The following CPZ variants were observed in gnomAD, a reference collection of about 807,000 sequenced individuals.
CPZ encodes the protein VEZT/CPZ fusion.
In CPZ, 103 loss-of-function variants were observed where a neutral mutation model predicts 61.8. That is an observed-to-expected ratio of 1.67 (90% CI 1.42 to 1.96). The LOEUF (loss-of-function observed/expected upper bound fraction) is 1.96, where lower values mean the gene tolerates loss of function less well. Ranked by LOEUF, CPZ falls within the 30% of genes most tolerant of loss-of-function variation. The pLI, the probability that CPZ is intolerant of heterozygous loss-of-function variation, is 0.00. For missense variants in CPZ, 1,461 were observed against 914.9 expected (o/e 1.60, Z -7.70); for synonymous variants, 551 against 373.7 (o/e 1.47, Z -5.47).
rs529990367 is a variant in CPZ at position 8,613,900 on chromosome 4, G to A, written c.1364-459G>A. ...GGACATTGTCACCATGGGGTCTCCA[G>A]GCCAGCAGCTGGGATGCCAGGGGCC... On this transcript the variant is annotated intron_variant, in intron 8 of 10. Coordinates refer to ENST00000360986, the MANE Select transcript of CPZ (RefSeq NM_001014447.3). Among the ~76,000 whole-genome samples the A allele has an allele frequency of 1.8e-3, 271 of 152,372 alleles. 1 individual carries two copies. The highest frequency in any genetic ancestry group is 6.1e-3 in the African/African-American group (254 of 41,590).
intron 8 of CPZ, among the ~76,000 whole-genome samples, chr4:8,613,132 CCTT>C (rs1394480875): frequency 1.5e-5 from 2 of 134,668 alleles, no homozygotes; most frequent in South Asian, 2.4e-4. Flanking sequence ...CCTCTCTGTT[CCTT>C]TTTTTTTTTT....
At chr4:8,609,798 T>G (rs1560298820) in intron 7 of CPZ, among the ~76,000 whole-genome samples, 1 of 152,200 alleles carries the variant, frequency 6.6e-6, no homozygotes, top group Admixed American at 6.5e-5. Flanking sequence ...CATCGGGCAG[T>G]GATCATGCAG....
chr4:8,609,215 T>TTG (rs1553877677), intron 7 of CPZ, among the ~76,000 whole-genome samples: 53 of 39,606 alleles, frequency 1.3e-3, no homozygotes, highest in African/African-American at 3.4e-3. Context: ...CACTTACTCA[T>TTG]TCACTTACTC....
intron 3 of CPZ, chr4:8,602,677 T>G (rs183074818): frequency 1.3e-5 from 2 of 152,236 alleles, no homozygotes; most frequent in African/African-American, 2.4e-5. Flanking sequence ...AGGGATGGAT[T>G]TGGCCATTTG....
rs1350185858 is a variant in CPZ at position 8,601,562 on chromosome 4, C to A, written c.496+65C>A. 15 of 1,400,394 alleles carry A rather than the reference C, an allele frequency of 1.1e-5. No homozygotes were observed. The African/African-American group carries it at 2.0e-4, about 19-fold the overall frequency. 86.7% of individuals were successfully genotyped at this position (1,400,394 alleles called of 1,614,324 possible). ...CAGGTGGTCAAGGAGGACCAAGAGC[C>A]ACACTGGAAGGAACTTGAGGGCTTT... On this transcript the variant is annotated intron_variant, in intron 3 of 10. Transcript: ENST00000360986.
chr4:8,594,834 G>A (rs1040814067), intron 1 of CPZ, among the ~76,000 whole-genome samples: 3 of 150,406 alleles, frequency 2.0e-5, no homozygotes, highest in Non-Finnish European at 2.9e-5. Context: ...GTGCAGTTGC[G>A]CAATCTCAGC....
At position 8,606,787 on chromosome 4, in the gene CPZ, G is replaced by A; in HGVS notation, c.957G>A (p.Leu319=). Residue 319 remains leucine (L), a synonymous_variant, in exon 6 of 11, where the codon CTG becomes CTA. Transcript: ENST00000360986. The part of the protein sequence containing the change: ...WTSGRQNAQN[L]DLNRNFPDLT... ...GCGGGAGGCAGAACGCGCAGAACCT[G>A]GATCTGAACCGAAATTTCCCGGACC... 1 of 1,614,188 alleles carries A rather than the reference G, an allele frequency of 6.2e-7. No individual in the cohort carries two copies. The highest frequency in any genetic ancestry group is 1.6e-4 in the Middle Eastern group (1 of 6,062).
intron 3 of CPZ, chr4:8,602,609 G>A (rs759314706): frequency 2.0e-5 from 3 of 152,284 alleles, no homozygotes; most frequent in Non-Finnish European, 2.9e-5. Context: ...GTGGAGCCTC[G>A]GGAAGGGTGA....
At chr4:8,607,010 C>T (rs905469482) in intron 6 of CPZ, 112 bp downstream of exon 6, 200 of 1,272,922 alleles carry the variant, frequency 1.6e-4, no homozygotes, top group Non-Finnish European at 2.0e-4. Context: ...CTGGTGCTCC[C>T]TCCCTGCCTC....
At chr4:8,598,184 C>G (rs190609238) in intron 1 of CPZ, among the ~76,000 whole-genome samples, 1 of 152,230 alleles carries the variant, frequency 6.6e-6, no homozygotes, top group Admixed American at 6.5e-5. Context: ...GTGCCCTAAA[C>G]GTCCCCATCC....
rs150339989 is a variant in CPZ at position 8,593,305 on chromosome 4, C to T, written c.88+384C>T. The stretch of plus-strand genomic sequence containing the variant: ...TAAGGTCCCCGGGTCTTTCCAGGAA[C>T]GGGACAGTCTCTCTGGGCTGTGGCA... On this transcript the variant is annotated intron_variant, in intron 1 of 10. Transcript: ENST00000360986. Among the ~76,000 whole-genome samples the T allele has an allele frequency of 9.5e-3, 1,453 of 152,296 alleles. 19 individuals are homozygous for T. The highest frequency in any genetic ancestry group is 0.026 in the African/African-American group (1,085 of 41,536).
chr4:8,597,010 C>T (rs1714229385), intron 1 of CPZ, among the ~76,000 whole-genome samples: 2 of 152,228 alleles, frequency 1.3e-5, no homozygotes, highest in Admixed American at 1.3e-4. Context: ...GCCAGCCGGG[C>T]ACCGTCAGAG....
intron 5 of CPZ, 102 bp downstream of exon 5, chr4:8,606,287 C>CTCTAGGAGAGGAGCA: frequency 2.5e-6 from 3 of 1,189,732 alleles, no homozygotes; most frequent in Non-Finnish European, 3.5e-6. Flanking sequence ...GTTCCTGCCT[C>CTCTAGGAGAGGAGCA]TCTAGGAGAG....
rs1284702638 is a variant in CPZ, at chr4:8,619,340, T to C, written c.1682T>C (p.Val561Ala). The C allele has an allele frequency of 6.2e-7, 1 of 1,614,150 alleles. No homozygotes were observed. Among genetic ancestry groups the C allele is most frequent in the Admixed American group, 1.7e-5 (1 of 60,014 alleles). ...VIAQAPGYAK[V>A]IKKVIIPARM... ...GCCCAAGCCCCTGGCTACGCCAAAG[T>C]CATCAAGAAAGTCATCATCCCCGCC... The change falls in exon 11 of 11, where the codon GTC becomes GCC. Residue 561 changes from valine to alanine, a missense_variant. By Grantham distance (64) the Val-to-Ala change is moderately conservative. Transcript: ENST00000360986.
At chr4:8,611,983 C>T in intron 7 of CPZ, 44 bp from the exon 8 acceptor site, 2 of 1,612,984 alleles carry the variant, frequency 1.2e-6, no homozygotes, top group South Asian at 1.1e-5. Flanking sequence ...ACAGGACGTC[C>T]TGCAGGGGAC....
At position 8,606,182 on chromosome 4, in the gene CPZ, C is replaced by T. The variant is rs201543610; in HGVS notation, c.903C>T (p.Ala301=). 27 of 1,612,880 alleles carry T rather than the reference C, an allele frequency of 1.7e-5. No homozygotes were observed. The Admixed American group carries it at 3.0e-4, about 18-fold the overall frequency. The part of the protein sequence containing the change: ...MNPDGYEVAA[A]EGAGYNGWTS... ...CTGACGGCTATGAGGTGGCAGCTGC[C>T]GAGGTGAGCGCCCAGATGCCTGGAT... Residue 301 remains alanine, a synonymous_variant, in exon 5 of 11, where the codon GCC becomes GCT. Coordinates refer to ENST00000360986, the MANE Select transcript of CPZ (RefSeq NM_001014447.3).
chr4:8,597,892 C>T (rs913217590), intron 1 of CPZ, among the ~76,000 whole-genome samples: 10 of 152,192 alleles, frequency 6.6e-5, no homozygotes, highest in Non-Finnish European at 1.3e-4. Flanking sequence ...CACAAAAGAG[C>T]CACTTGCCCG....
In CPZ at chr4:8,611,141, C is replaced by A. The variant is rs148525058; in HGVS notation, c.1228-886C>A. 872 of 436,844 alleles carry A rather than the reference C, an allele frequency of 2.0e-3. 7 individuals carry two copies. The highest frequency in any genetic ancestry group is 0.015 in the African/African-American group (750 of 49,888). 27.1% of individuals were successfully genotyped at this position (436,844 alleles called of 1,614,324 possible). ...CCCTGCCTGTCCACCCTCTAGTGTC[C>A]TCCACTCCTCCTTTCTGACAGAGGG... is the stretch of plus-strand genomic sequence containing the variant. On this transcript the variant is annotated intron_variant, in intron 7 of 10. Transcript: ENST00000360986.
At chr4:8,600,867 C>T (rs891518190) in intron 2 of CPZ, 79 of 1,157,998 alleles carry the variant, frequency 6.8e-5, no homozygotes, top group South Asian at 2.2e-4. Context: ...CAGATGGAGA[C>T]GCCGAGGCTC....
Sources: gnomAD v4.1 joint callset for allele counts (sites outside exome capture counted in the v4.1 genomes callset) on GRCh38, gnomAD v4.1.1 for gene constraint, MANE v1.5 for transcripts, NCBI Gene and HGNC (gene_info 2026-07-23, HGNC 2026-07-21) for gene names.